The following EVI5 variants were observed in gnomAD, a reference collection of about 807,000 sequenced individuals.
EVI5 encodes the protein ecotropic viral integration site 5, also known as ecotropic viral integration site 5 protein homolog.
A neutral mutation model predicts 112.0 loss-of-function variants in EVI5; 73 were observed. The observed-to-expected ratio is 0.65, with a 90% CI of 0.54 to 0.79. EVI5 has a LOEUF of 0.79. Ranked by LOEUF, EVI5 falls within the 30% of genes least tolerant of loss-of-function variation. EVI5 has a pLI of 0.00. For missense variants in EVI5, 900 were observed against 968.8 expected (o/e 0.93, Z 0.94); for synonymous variants, 305 against 319.9 (o/e 0.95, Z 0.50).
At chr1:92,680,986 G>A (rs1420637412) in intron 9 of EVI5, among the ~76,000 whole-genome samples, 2 of 152,162 alleles carry the variant, frequency 1.3e-5, no homozygotes, top group Admixed American at 6.5e-5. Flanking sequence ...GACCCTGGAC[G>A]GAGGGTGGGG....
chr1:92,721,448 G>A (rs957504941), intron 2 of EVI5, among the ~76,000 whole-genome samples: 6 of 152,138 alleles, frequency 3.9e-5, no homozygotes, highest in African/African-American at 1.4e-4. Context: ...AACACTGTAT[G>A]TTCTCACTCA....
At chr1:92,634,085 G>A (rs960803116) in intron 14 of EVI5, among the ~76,000 whole-genome samples, 2 of 152,172 alleles carry the variant, frequency 1.3e-5, no homozygotes, top group Non-Finnish European at 1.5e-5. Flanking sequence ...TGGGTAACCC[G>A]ACCTTTCTCT....
At chr1:92,683,371 A>G (rs1346905208) in intron 9 of EVI5, among the ~76,000 whole-genome samples, 1 of 152,194 alleles carries the variant, frequency 6.6e-6, no homozygotes, top group African/African-American at 2.4e-5. Context: ...CGCATCATCA[A>G]CAAAAAGGAC....
At chr1:92,713,334 T>A (rs994788912) in intron 2 of EVI5, among the ~76,000 whole-genome samples, 1 of 151,634 alleles carries the variant, frequency 6.6e-6, no homozygotes, top group Non-Finnish European at 1.5e-5. Flanking sequence ...CTTTTCTTTT[T>A]TCATTTTATG....
chr1:92,534,010 T>C (rs553263515), intron 19 of EVI5, among the ~76,000 whole-genome samples: 1 of 152,350 alleles, frequency 6.6e-6, no homozygotes, highest in Admixed American at 6.5e-5. Flanking sequence ...GCAGATGACA[T>C]GATTGTATAC....
At chr1:92,654,930 A>G (rs927987907) in intron 13 of EVI5, among the ~76,000 whole-genome samples, 4 of 152,192 alleles carry the variant, frequency 2.6e-5, no homozygotes, top group Non-Finnish European at 5.9e-5. Context: ...GAAAATAAAG[A>G]AAAAATAATT....
At chr1:92,700,505 A>G (rs1261593318) in intron 5 of EVI5, among the ~76,000 whole-genome samples, 1 of 152,194 alleles carries the variant, frequency 6.6e-6, no homozygotes, top group African/African-American at 2.4e-5. Flanking sequence ...CACTGACAAC[A>G]GCTAAGTAGA....
chr1:92,661,064 T>C (rs922204967), intron 13 of EVI5, among the ~76,000 whole-genome samples: 6 of 151,984 alleles, frequency 3.9e-5, no homozygotes, highest in Non-Finnish European at 5.9e-5. Flanking sequence ...CAAGATCACA[T>C]AGTTGGCAAA....
chr1:92,696,723 T>C (rs2102489801), intron 6 of EVI5, among the ~76,000 whole-genome samples: 1 of 152,010 alleles, frequency 6.6e-6, no homozygotes, highest in South Asian at 2.1e-4. Context: ...TACCCCATAA[T>C]GTACAACTAT....
chr1:92,648,417 T>C (rs1338259407), intron 13 of EVI5, among the ~76,000 whole-genome samples: 2 of 151,576 alleles, frequency 1.3e-5, no homozygotes, highest in African/African-American at 4.8e-5. Context: ...AAAAATAAAG[T>C]GAACAATTCA....
At chr1:92,760,756 C>T (rs1386161014) in intron 1 of EVI5, among the ~76,000 whole-genome samples, 3 of 136,728 alleles carry the variant, frequency 2.2e-5, no homozygotes, top group Non-Finnish European at 3.1e-5. Context: ...AAAAAGGTGG[C>T]ATAAAGAATT....
chr1:92,760,520 T>C (rs1330474786), intron 1 of EVI5, among the ~76,000 whole-genome samples: 3 of 149,246 alleles, frequency 2.0e-5, no homozygotes, highest in African/African-American at 5.0e-5. Context: ...TCACTTGAGG[T>C]CAGGAGTTCG....
At chr1:92,555,073 AAAGC>A (rs1667481838) in intron 19 of EVI5, among the ~76,000 whole-genome samples, 2 of 152,358 alleles carry the variant, frequency 1.3e-5, no homozygotes, top group Admixed American at 1.3e-4. Context: ...TGATGGGCTT[AAAGC>A]AATTTTCACA....
intron 19 of EVI5, among the ~76,000 whole-genome samples, chr1:92,550,871 A>T (rs555435096): frequency 7.5e-6 from 1 of 133,574 alleles, no homozygotes; most frequent in African/African-American, 2.8e-5. Flanking sequence ...TGAAGTTCTC[A>T]ACAGATTAAG....
chr1:92,789,596 C>T (rs1245101992), upstream of EVI5, among the ~76,000 whole-genome samples: 1 of 152,224 alleles, frequency 6.6e-6, no homozygotes, highest in Non-Finnish European at 1.5e-5. Flanking sequence ...ACCACCGCGC[C>T]TGGCCTTCAG....
chr1:92,715,604 CTGGT>C (rs2102647542), intron 2 of EVI5, among the ~76,000 whole-genome samples: 1 of 152,264 alleles, frequency 6.6e-6, no homozygotes, highest in African/African-American at 2.4e-5. Context: ...CTCACTGAGA[CTGGT>C]TGGACAGTGG....
chr1:92,634,440 C>T (rs991307380), intron 14 of EVI5, among the ~76,000 whole-genome samples: 2 of 152,162 alleles, frequency 1.3e-5, no homozygotes, highest in Admixed American at 1.3e-4. Context: ...GATATTCCAT[C>T]GCTGATACCC....
At chr1:92,565,379 A>G (rs574872711) in intron 18 of EVI5, among the ~76,000 whole-genome samples, 1 of 152,364 alleles carries the variant, frequency 6.6e-6, no homozygotes, top group African/African-American at 2.4e-5. Flanking sequence ...GCAGAAAGAT[A>G]CACATTCTAA....
intron 1 of EVI5, among the ~76,000 whole-genome samples, chr1:92,779,034 T>C (rs192850863): frequency 2.4e-4 from 37 of 152,252 alleles, no homozygotes; most frequent in Admixed American, 8.5e-4. Flanking sequence ...ATCACTGCTT[T>C]AGACTCTAGA....
Sources: gnomAD v4.1 joint callset for allele counts (sites outside exome capture counted in the v4.1 genomes callset) on GRCh38, gnomAD v4.1.1 for gene constraint, MANE v1.5 for transcripts, NCBI Gene and HGNC (gene_info 2026-07-23, HGNC 2026-07-21) for gene names.